Variants in ANKRD52 observed in about 807,000 individuals in gnomAD.
The protein encoded by ANKRD52 is serine/threonine-protein phosphatase 6 regulatory ankyrin repeat subunit C.
ANKRD52 carries 7 observed loss-of-function variants against 116.0 expected under a neutral mutation model. That is an observed-to-expected ratio of 0.06 (90% CI 0.03 to 0.11). ANKRD52 has a LOEUF of 0.11. Among genes scored for constraint, ANKRD52 ranks in the 10% least tolerant of loss-of-function variants. ANKRD52 has a pLI of 1.00. For synonymous variants in ANKRD52, 528 were observed against 578.1 expected (o/e 0.91, Z 1.24); for missense variants, 839 against 1,408.6 (o/e 0.60, Z 6.47).
rs1287575773 is a variant in ANKRD52 at position 56,237,809 on chromosome 12, G to A, written c.*5333C>T. 2.1e-6 allele frequency: 3 copies of A among 1,443,132 alleles called. No homozygotes were observed. The highest frequency in any genetic ancestry group is 2.8e-6 in the Non-Finnish European group (3 of 1,086,596). 89.4% of individuals were successfully genotyped at this position (1,443,132 alleles called of 1,614,324 possible). ...ATGGAGGCGGGACACAGGGCCAGTA[G>A]GAGCAATAGGATTTTAATAAACAGA... is the stretch of plus-strand genomic sequence containing the variant. On this transcript the variant is annotated 3_prime_UTR_variant, in exon 28 of 28. Coordinates refer to ENST00000267116, the MANE Select transcript of ANKRD52 (RefSeq NM_173595.4).
intron 4 of ANKRD52, among the ~76,000 whole-genome samples, 189 bp downstream of exon 4, chr12:56,256,826 T>G (rs1871977196): frequency 6.6e-6 from 1 of 152,130 alleles, no homozygotes; most frequent in Non-Finnish European, 1.5e-5. Flanking sequence ...CTGAGTCACA[T>G]CAGCTGGCAG....
At position 56,238,323 on chromosome 12, in the gene ANKRD52, C is replaced by T. The variant is rs1871015205; in HGVS notation, c.*4819G>A. 6.5e-6 allele frequency: 1 copy of T among 152,896 alleles called. No individual in the cohort carries two copies. Among genetic ancestry groups the T allele is most frequent in the South Asian group, 2.1e-4 (1 of 4,850 alleles). The allele number at this position is 152,896 out of a possible 1,614,324, so 9.5% of individuals were successfully genotyped here. The stretch of plus-strand genomic sequence containing the variant: ...CTCCGTGCCCCCCAACACACACCTG[C>T]ACACAGGATGGTGGTGTCTGCAGCA... On this transcript the variant is annotated 3_prime_UTR_variant, in exon 28 of 28. Coordinates refer to ENST00000267116, the MANE Select transcript of ANKRD52 (RefSeq NM_173595.4).
chr12:56,243,166 C>A lies in ANKRD52; in HGVS notation c.3207G>T (p.Gly1069=). The change falls in exon 28 of 28, where the codon GGG becomes GGT. Residue 1069 remains glycine, a synonymous_variant. Transcript: ENST00000267116. This position sits in a 1 kb window ranked among gnomAD's most constrained non-coding sequence, Gnocchi z 4.6. Reference sequence around the variant, plus strand: ...GCTACTCAGAGTAGCAGCCATCTAACCCAATGGCGCCGGGCCGCTCCTGGC... The same window carrying A: ...GCTACTCAGAGTAGCAGCCATCTAAACCAATGGCGCCGGGCCGCTCCTGGC... ...PYSQERPGAI[G]LDGCYSE 6.2e-7 allele frequency: 1 copy of A among 1,605,148 alleles called. No homozygotes were observed.
chr12:56,244,310 G>C lies in ANKRD52; in HGVS notation c.2805+43C>G. ...ACCGAGACTTACCTCTCTTCATCAA[G>C]CTCTGCCCCTTATGCAGTCCCCCAA... On this transcript the variant is annotated intron_variant, in intron 25 of 27. Coordinates refer to ENST00000267116, the MANE Select transcript of ANKRD52 (RefSeq NM_173595.4). The surrounding 1 kb of genome is among the most constrained non-coding windows in gnomAD (Gnocchi z 4.9). 6.3e-7 allele frequency: 1 copy of C among 1,599,516 alleles called. No individual in the cohort carries two copies. The highest frequency in any genetic ancestry group is 8.6e-7 in the Non-Finnish European group (1 of 1,167,206).
chr12:56,258,270 G>A lies in ANKRD52; in HGVS notation c.-1C>T. ...GGTCCGTGATGCTGAGGATCCCCAT[G>A]GCTCGGCCCGGGCTCCGTCCGCATC... On this transcript the variant is annotated 5_prime_UTR_variant, in exon 1 of 28. Coordinates refer to ENST00000267116, the MANE Select transcript of ANKRD52 (RefSeq NM_173595.4). The A allele has an allele frequency of 6.3e-7, 1 of 1,591,080 alleles. No individual in the cohort carries two copies. The highest frequency in any genetic ancestry group is 8.5e-7 in the Non-Finnish European group (1 of 1,170,926).
chr12:56,253,483 C>A lies in ANKRD52; in HGVS notation c.986-81G>T. The A allele has an allele frequency of 8.7e-7, 1 of 1,145,986 alleles. No homozygotes were observed. Among genetic ancestry groups the A allele is most frequent in the South Asian group, 1.3e-5 (1 of 75,662 alleles). 71.0% of individuals were successfully genotyped at this position (1,145,986 alleles called of 1,614,324 possible). ...TCGCGAGCTAGCCATGATTTGAGTG[C>A]CTACTATGTATGCATCAGGTGCCAG... On this transcript the variant is annotated intron_variant, in intron 9 of 27. Coordinates refer to ENST00000267116, the MANE Select transcript of ANKRD52 (RefSeq NM_173595.4). The surrounding 1 kb of genome is among the most constrained non-coding windows in gnomAD (Gnocchi z 5.5).
chr12:56,248,976 C>A lies in ANKRD52; in HGVS notation c.1593-106G>T. Reference sequence around the variant, plus strand: ...ACCAAGGCCCTCCAGGCCTACCTGGCCGCCACCCGTCCTCAGCTCTAGGTA... The same window carrying A: ...ACCAAGGCCCTCCAGGCCTACCTGGACGCCACCCGTCCTCAGCTCTAGGTA... On this transcript the variant is annotated intron_variant, in intron 15 of 27. Transcript: ENST00000267116. The surrounding 1 kb of genome is among the most constrained non-coding windows in gnomAD (Gnocchi z 5.1). 1 of 719,574 alleles carries A rather than the reference C, an allele frequency of 1.4e-6. No homozygotes were observed. Among genetic ancestry groups the A allele is most frequent in the Non-Finnish European group, 2.3e-6 (1 of 441,400 alleles). The allele number at this position is 719,574 out of a possible 1,614,324, so 44.6% of individuals were successfully genotyped here.
In ANKRD52 at chr12:56,243,780, C is replaced by T; in HGVS notation, c.2980+5G>A. The stretch of plus-strand genomic sequence containing the variant: ...GAGAGGCATGGGGCCCCAGACCCCA[C>T]CCACCTTCTTCATCCACAGCCAGCA... On this transcript the variant is annotated splice_donor_5th_base_variant and intron_variant, in intron 27 of 27. Transcript: ENST00000267116. This position sits in a 1 kb window ranked among gnomAD's most constrained non-coding sequence, Gnocchi z 4.6. 1.3e-6 allele frequency: 2 copies of T among 1,554,218 alleles called. No homozygotes were observed. The highest frequency in any genetic ancestry group is 1.7e-6 in the Non-Finnish European group (2 of 1,148,350).
At position 56,242,779 on chromosome 12, in the gene ANKRD52, A is replaced by C; in HGVS notation, c.*363T>G. 1 of 251,816 alleles carries C rather than the reference A, an allele frequency of 4.0e-6. No individual in the cohort carries two copies. Among genetic ancestry groups the C allele is most frequent in the Non-Finnish European group, 7.7e-6 (1 of 129,798 alleles). 15.6% of individuals were successfully genotyped at this position (251,816 alleles called of 1,614,324 possible). A position where few individuals can be genotyped will look rare whatever the true frequency, so the allele number is the denominator to read the frequency against. ...ATCTGCCTGGCAGTAGGGGCAGGGG[A>C]GAAGGGGGACACAGAGAGGAGTCCC... On this transcript the variant is annotated 3_prime_UTR_variant, in exon 28 of 28. Transcript: ENST00000267116. The surrounding 1 kb of genome is among the most constrained non-coding windows in gnomAD (Gnocchi z 4.3).
Position 56,245,829 on chromosome 12 carries a change from C to T in ANKRD52, c.2185-233G>A, listed in dbSNP as rs539169808. ...TCCCCGGTTCAAGCGATTCTCCTGCCTCAGCCTCCCAAGTAGCTGGGATTA... is the reference window on the plus strand; with the variant it reads ...TCCCCGGTTCAAGCGATTCTCCTGCTTCAGCCTCCCAAGTAGCTGGGATTA... On this transcript the variant is annotated intron_variant, in intron 20 of 27. Coordinates refer to ENST00000267116, the MANE Select transcript of ANKRD52 (RefSeq NM_173595.4). 1.7e-4 allele frequency among the ~76,000 whole-genome samples: 25 copies of T among 151,378 alleles called. 1 individual carries two copies. The highest frequency in any genetic ancestry group is 1.5e-3 in the South Asian group (7 of 4,790).
rs751820084 is a variant in ANKRD52 at position 56,254,226 on chromosome 12, C to T, written c.747G>A (p.Leu249=). ...GCTCAATAGCCACAGCATCCTGGCC[C>T]AGGTAGCAGGCGATGTGCAAAGCTG... ...GNTALHIACY[L]GQDAVAIELV... is the part of the protein sequence containing the mutation. Residue 249 remains leucine, a synonymous_variant, in exon 8 of 28, where the codon CTG becomes CTA. Coordinates refer to ENST00000267116, the MANE Select transcript of ANKRD52 (RefSeq NM_173595.4). The surrounding 1 kb of genome is among the most constrained non-coding windows in gnomAD (Gnocchi z 4.6). The T allele has an allele frequency of 2.6e-5, 42 of 1,613,828 alleles. No homozygotes were observed. The highest frequency in any genetic ancestry group is 3.3e-5 in the Non-Finnish European group (39 of 1,179,916).
At chr12:56,256,527 G>A (rs932578617) in intron 4 of ANKRD52, among the ~76,000 whole-genome samples, 2 of 152,228 alleles carry the variant, frequency 1.3e-5, no homozygotes, top group Non-Finnish European at 2.9e-5. Flanking sequence ...GCTGGAGCCA[G>A]GGAAGTGATG....
intron 4 of ANKRD52, 137 bp downstream of exon 4, chr12:56,256,877 AG>A: frequency 1.1e-6 from 1 of 900,970 alleles, no homozygotes; most frequent in Admixed American, 3.0e-5. Flanking sequence ...GGTAGGAGGA[AG>A]GGGCCAAGAT....
At position 56,258,280 on chromosome 12, in the gene ANKRD52, G is replaced by A. The variant is rs1044985519; in HGVS notation, c.-11C>T. The A allele has an allele frequency of 5.1e-6, 8 of 1,572,116 alleles. No individual in the cohort carries two copies. The highest frequency in any genetic ancestry group is 6.0e-6 in the Non-Finnish European group (7 of 1,162,958). ...GCTGAGGATCCCCATGGCTCGGCCC[G>A]GGCTCCGTCCGCATCGAGCTCCCGG... On this transcript the variant is annotated 5_prime_UTR_variant, in exon 1 of 28. Coordinates refer to ENST00000267116, the MANE Select transcript of ANKRD52 (RefSeq NM_173595.4).
chr12:56,248,180 C>T lies in ANKRD52; in HGVS notation c.1821G>A (p.Thr607=), dbSNP rs199899195. ...GGTCCCTTACGTCCAGATTCACCAG[C>T]GTCTCCGCCAGCGTCTTCAAGGCTT... ...HCEALKTLAE[T]LVNLDVRDHK... The change falls in exon 18 of 28, where the codon ACG becomes ACA. Residue 607 remains threonine, a synonymous_variant. Transcript: ENST00000267116. This position sits in a 1 kb window ranked among gnomAD's most constrained non-coding sequence, Gnocchi z 5.1. 5 of 1,613,944 alleles carry T rather than the reference C, an allele frequency of 3.1e-6. No homozygotes were observed. The highest frequency in any genetic ancestry group is 2.7e-5 in the African/African-American group (2 of 75,056).
chr12:56,248,239 G>C lies in ANKRD52; in HGVS notation c.1777-15C>G. 1 of 1,612,838 alleles carries C rather than the reference G, an allele frequency of 6.2e-7. No homozygotes were observed. ...CCGTTGTAGGCCTGGCAAGGTGCAG[G>C]CAACCAGTGCACACAGCTCGGGACC... On this transcript the variant is annotated splice_polypyrimidine_tract_variant and intron_variant, in intron 17 of 27. Transcript: ENST00000267116. This position sits in a 1 kb window ranked among gnomAD's most constrained non-coding sequence, Gnocchi z 5.1.
chr12:56,253,196 C>T lies in ANKRD52; in HGVS notation c.1100+92G>A. ...CAGGGTAGGAGGTTCTCCAAGGTGC[C>T]CTTTGGCAAGCTTATCTGTGCCTCC... is the stretch of plus-strand genomic sequence containing the variant. On this transcript the variant is annotated intron_variant, in intron 10 of 27. Transcript: ENST00000267116. The surrounding 1 kb of genome is among the most constrained non-coding windows in gnomAD (Gnocchi z 5.5). 2 of 1,481,544 alleles carry T rather than the reference C, an allele frequency of 1.3e-6. No individual in the cohort carries two copies. The highest frequency in any genetic ancestry group is 1.4e-5 in the African/African-American group (1 of 72,146). The allele number at this position is 1,481,544 out of a possible 1,614,324, so 91.8% of individuals were successfully genotyped here.
intron 4 of ANKRD52, among the ~76,000 whole-genome samples, chr12:56,256,371 T>C (rs1399139190): frequency 6.6e-6 from 1 of 152,224 alleles, no homozygotes; most frequent in Non-Finnish European, 1.5e-5. Context: ...CTGAACACCC[T>C]CTTTAGCCTT....
Position 56,254,368 on chromosome 12 carries a change from G to C in ANKRD52, c.694-89C>G. On this transcript the variant is annotated intron_variant, in intron 7 of 27. Coordinates refer to ENST00000267116, the MANE Select transcript of ANKRD52 (RefSeq NM_173595.4). This position sits in a 1 kb window ranked among gnomAD's most constrained non-coding sequence, Gnocchi z 4.6. ...AGCCTCCAGATCCCAGAAATCCAAC[G>C]ACTGCCTCATTTCCTCTCGGGTTTA... 1 of 1,484,916 alleles carries C rather than the reference G, an allele frequency of 6.7e-7. No individual in the cohort carries two copies. Among genetic ancestry groups the C allele is most frequent in the East Asian group, 2.3e-5 (1 of 43,984 alleles). The allele number at this position is 1,484,916 out of a possible 1,614,324, so 92.0% of individuals were successfully genotyped here. A position where few individuals can be genotyped will look rare whatever the true frequency, so the allele number is the denominator to read the frequency against.
Sources: allele counts gnomAD v4.1 joint callset (sites outside exome capture counted in the v4.1 genomes callset), GRCh38; gene constraint gnomAD v4.1.1; non-coding constraint Gnocchi (gnomAD v3.1); transcripts MANE v1.5; gene names NCBI Gene and HGNC (gene_info 2026-07-23, HGNC 2026-07-21).